The following KIF16B variants were observed in gnomAD, a reference collection of about 807,000 sequenced individuals.
KIF16B encodes the protein kinesin family member 16B, also known as kinesin-like protein KIF16B.
KIF16B carries 98 observed loss-of-function variants against 156.3 expected under a neutral mutation model. The observed-to-expected ratio is 0.63, with a 90% CI of 0.53 to 0.74. KIF16B has a LOEUF of 0.74. KIF16B is among the 30% of genes least tolerant of loss of function. The pLI is 0.00. For missense variants in KIF16B, 1,421 were observed against 1,606.5 expected (o/e 0.88, Z 1.97); for synonymous variants, 564 against 583.7 (o/e 0.97, Z 0.49).
In KIF16B at chr20:16,439,624, G is replaced by C. The variant is rs973674995; in HGVS notation, c.1303-9642C>G. Among the ~76,000 whole-genome samples, 6 of 152,118 alleles carry C rather than the reference G, an allele frequency of 3.9e-5. No individual in the cohort carries two copies. In the East Asian group the frequency reaches 9.6e-4, roughly 24 times the overall value. ...GACACCAATGAGTGAGATTGTATTAGTCCATTTTTGCACTGCTGACAAAGA... is the reference window on the plus strand; with the variant it reads ...GACACCAATGAGTGAGATTGTATTACTCCATTTTTGCACTGCTGACAAAGA... On this transcript the variant is annotated intron_variant, in intron 12 of 25. Transcript: ENST00000354981.
At chr20:16,496,446 T>C (rs1349572703) in intron 11 of KIF16B, among the ~76,000 whole-genome samples, 2 of 152,210 alleles carry the variant, frequency 1.3e-5, no homozygotes, top group African/African-American at 2.4e-5. Flanking sequence ...AAAACATTAA[T>C]TTAAGAATGC....
At chr20:16,404,753 G>C in intron 17 of KIF16B, 60 bp downstream of exon 17, 1 of 1,292,022 alleles carries the variant, frequency 7.7e-7, no homozygotes, top group Non-Finnish European at 1.1e-6. Flanking sequence ...CTATAATGGA[G>C]TTGGCACAAT....
intron 24 of KIF16B, among the ~76,000 whole-genome samples, chr20:16,334,388 G>A (rs113323977): frequency 3.4e-4 from 52 of 152,144 alleles, no homozygotes; most frequent in African/African-American, 1.1e-3. Flanking sequence ...TTTCAGCCAC[G>A]AAAATTAAAC....
intron 15 of KIF16B, among the ~76,000 whole-genome samples, chr20:16,425,704 G>T (rs2066333974): frequency 6.6e-6 from 1 of 152,120 alleles, no homozygotes; most frequent in Non-Finnish European, 1.5e-5. Context: ...TCAGTCACGG[G>T]ACAAATGGAA....
intron 1 of KIF16B, among the ~76,000 whole-genome samples, 165 bp from the exon 2 acceptor site, chr20:16,528,605 A>G (rs2069636660): frequency 6.6e-6 from 1 of 152,204 alleles, no homozygotes; most frequent in Non-Finnish European, 1.5e-5. Context: ...TTACTAATAT[A>G]ACATGAAGAT....
chr20:16,449,145 G>T (rs570654358), intron 12 of KIF16B, among the ~76,000 whole-genome samples: 2 of 152,028 alleles, frequency 1.3e-5, no homozygotes, highest in African/African-American at 4.8e-5. Flanking sequence ...AGAGGAAAGC[G>T]AAAGAATAAA....
At chr20:16,275,782 T>C (rs550675858) in intron 25 of KIF16B, among the ~76,000 whole-genome samples, 1 of 152,346 alleles carries the variant, frequency 6.6e-6, no homozygotes, top group Non-Finnish European at 1.5e-5. Context: ...AAGAGAGACC[T>C]GACTTCCACT....
chr20:16,392,499 A>G (rs983024065), intron 17 of KIF16B, among the ~76,000 whole-genome samples: 1 of 152,224 alleles, frequency 6.6e-6, no homozygotes, highest in Non-Finnish European at 1.5e-5. Context: ...AAAGAGATTC[A>G]TAAAAGGCAC....
chr20:16,329,959 CCTT>C (rs1157007298), intron 24 of KIF16B, among the ~76,000 whole-genome samples: 3 of 152,252 alleles, frequency 2.0e-5, no homozygotes, highest in African/African-American at 7.2e-5. Flanking sequence ...GCAAATCTGT[CCTT>C]CTTCAGTATT....
intron 25 of KIF16B, among the ~76,000 whole-genome samples, chr20:16,275,469 A>C (rs939141322): frequency 6.6e-6 from 1 of 152,178 alleles, no homozygotes; most frequent in African/African-American, 2.4e-5. Context: ...TAAGGCACCT[A>C]ACTTTATGTT....
intron 10 of KIF16B, among the ~76,000 whole-genome samples, chr20:16,502,973 G>C (rs1201964066): frequency 6.6e-6 from 1 of 152,158 alleles, no homozygotes; most frequent in East Asian, 1.9e-4. Flanking sequence ...CCAACACTTT[G>C]GGAGGCCAAG....
At chr20:16,283,638 A>G (rs1206175319) in intron 25 of KIF16B, among the ~76,000 whole-genome samples, 3 of 152,194 alleles carry the variant, frequency 2.0e-5, no homozygotes, top group African/African-American at 4.8e-5. Flanking sequence ...CTGAGGGCCT[A>G]TATCAGTTTT....
At chr20:16,362,964 C>T (rs1378105337) in intron 22 of KIF16B, among the ~76,000 whole-genome samples, 6 of 152,144 alleles carry the variant, frequency 3.9e-5, no homozygotes, top group Non-Finnish European at 7.4e-5. Context: ...TTATTCAATT[C>T]CATCCCTCAT....
chr20:16,457,952 T>A (rs1380850042), intron 12 of KIF16B, among the ~76,000 whole-genome samples: 2 of 150,728 alleles, frequency 1.3e-5, no homozygotes. Flanking sequence ...AAAGCATGAG[T>A]GAGAGGAAAA....
chr20:16,322,701 T>C lies in KIF16B; in HGVS notation c.3712-10283A>G, dbSNP rs376699168. ...AATTTTCTTCTAAGAGTTATCAGGC[T>C]CAAATCCTGACTTCAATGTTTATTA... is the stretch of plus-strand genomic sequence containing the variant. On this transcript the variant is annotated intron_variant, in intron 24 of 25. Coordinates refer to ENST00000354981, the MANE Select transcript of KIF16B (RefSeq NM_024704.5). Among the ~76,000 whole-genome samples the C allele has an allele frequency of 1.5e-4, 23 of 152,156 alleles. No individual in the cohort carries two copies. In the East Asian group the frequency reaches 3.3e-3, roughly 22 times the overall value.
At chr20:16,421,276 C>T (rs1167517362) in intron 15 of KIF16B, among the ~76,000 whole-genome samples, 1 of 152,064 alleles carries the variant, frequency 6.6e-6, no homozygotes, top group Non-Finnish European at 1.5e-5. Context: ...TAATGCTGTT[C>T]CCCATTTATT....
At chr20:16,465,561 T>G (rs2067467422) in intron 12 of KIF16B, among the ~76,000 whole-genome samples, 1 of 152,238 alleles carries the variant, frequency 6.6e-6, no homozygotes, top group Non-Finnish European at 1.5e-5. Context: ...AATACACACA[T>G]ATTTGCAAAA....
intron 17 of KIF16B, among the ~76,000 whole-genome samples, chr20:16,386,518 G>A (rs1175846249): frequency 6.6e-6 from 1 of 151,914 alleles, no homozygotes; most frequent in Non-Finnish European, 1.5e-5. Context: ...AAATACAGTA[G>A]AGCGCTTTCT....
chr20:16,363,997 C>T (rs931569719), intron 22 of KIF16B, among the ~76,000 whole-genome samples: 11 of 152,080 alleles, frequency 7.2e-5, no homozygotes, highest in Non-Finnish European at 1.0e-4. Context: ...TCCAATAAGC[C>T]GGGTTGATCA....
Sources: allele counts gnomAD v4.1 joint callset (sites outside exome capture counted in the v4.1 genomes callset), GRCh38; gene constraint gnomAD v4.1.1; transcripts MANE v1.5; gene names NCBI Gene and HGNC (gene_info 2026-07-23, HGNC 2026-07-21).